The following LTBP1 variants were observed in gnomAD, a reference collection of about 807,000 sequenced individuals.
LTBP1 encodes latent-transforming growth factor beta-binding protein 1.
Under a neutral mutation model 207.6 loss-of-function variants are expected in LTBP1, and 129 were observed. That is an observed-to-expected ratio of 0.62 (90% CI 0.54 to 0.72). The LOEUF is 0.72. Ranked by LOEUF, LTBP1 falls within the 30% of genes least tolerant of loss-of-function variation. The pLI is 0.00. For missense variants in LTBP1, 2,281 were observed against 2,217.2 expected (o/e 1.03, Z -0.58); for synonymous variants, 963 against 833.7 (o/e 1.16, Z -2.67).
chr2:33,378,752 G>A (rs1008047779), intron 31 of LTBP1, among the ~76,000 whole-genome samples: 1 of 152,162 alleles, frequency 6.6e-6, no homozygotes, highest in African/African-American at 2.4e-5. Flanking sequence ...ATACAACTAT[G>A]GCTAGAACAA....
At chr2:33,369,021 TTAAA>T (rs2095034322) in intron 31 of LTBP1, among the ~76,000 whole-genome samples, 1 of 152,200 alleles carries the variant, frequency 6.6e-6, no homozygotes, top group Non-Finnish European at 1.5e-5. Flanking sequence ...GAATTTTATT[TTAAA>T]TATTTATTCT....
At chr2:33,254,832 G>T in intron 11 of LTBP1, among the ~76,000 whole-genome samples, 1 of 71,862 alleles carries the variant, frequency 1.4e-5, no homozygotes, top group East Asian at 4.6e-4. Flanking sequence ...CCACCTATGA[G>T]TGAGAACATG....
chr2:32,987,413 C>T (rs1261870718), intron 2 of LTBP1, among the ~76,000 whole-genome samples: 3 of 152,042 alleles, frequency 2.0e-5, no homozygotes, highest in African/African-American at 7.2e-5. Context: ...TCAGCTGGGC[C>T]AGCCTTTAGT....
rs182266349 is a variant in LTBP1 at position 33,286,988 on chromosome 2, G to C, written c.3113-6172G>C. On this transcript the variant is annotated intron_variant, in intron 19 of 33. Transcript: ENST00000404816. ...GGAGATATACCTAATGTTAAATGAA[G>C]AGTTAATGGGTGCAGCACACCAACA... Among the ~76,000 whole-genome samples, 39 of 152,292 alleles carry C rather than the reference G, an allele frequency of 2.6e-4. No individual in the cohort carries two copies. The East Asian group carries it at 4.4e-3, about 17-fold the overall frequency.
chr2:33,274,080 A>C (rs2093375558), intron 16 of LTBP1, among the ~76,000 whole-genome samples: 1 of 152,224 alleles, frequency 6.6e-6, no homozygotes, highest in African/African-American at 2.4e-5. Flanking sequence ...CAGCTACCTA[A>C]AAACATGTAT....
At chr2:33,348,385 G>A (rs924193461) in intron 26 of LTBP1, among the ~76,000 whole-genome samples, 1 of 152,100 alleles carries the variant, frequency 6.6e-6, no homozygotes, top group African/African-American at 2.4e-5. Context: ...AAGGTGAAGG[G>A]TATAGAATTA....
At chr2:33,178,741 C>T (rs906210162) in intron 5 of LTBP1, among the ~76,000 whole-genome samples, 2 of 152,118 alleles carry the variant, frequency 1.3e-5, no homozygotes, top group African/African-American at 4.8e-5. Context: ...TCTTTAAAGT[C>T]AGTGATGCTT....
At chr2:33,107,914 C>G (rs975577411) in intron 3 of LTBP1, among the ~76,000 whole-genome samples, 1 of 151,632 alleles carries the variant, frequency 6.6e-6, no homozygotes, top group Non-Finnish European at 1.5e-5. Flanking sequence ...GCTTTTTTTT[C>G]TGAGAGGAGG....
At position 33,398,883 on chromosome 2, in the gene LTBP1, A is replaced by G. The variant is rs893421929; in HGVS notation, c.*338A>G. The G allele has an allele frequency of 6.0e-6, 1 of 166,002 alleles. No homozygotes were observed. The highest frequency in any genetic ancestry group is 2.4e-5 in the African/African-American group (1 of 42,124). The allele number at this position is 166,002 out of a possible 1,614,324, so 10.3% of individuals were successfully genotyped here. ...TTGCTTGATTAAATTTGGCATTTAA[A>G]TAGTGGTGGAAATATTTTATATAAT... On this transcript the variant is annotated 3_prime_UTR_variant, in exon 34 of 34. Coordinates refer to ENST00000404816, the MANE Select transcript of LTBP1 (RefSeq NM_206943.4).
chr2:33,188,306 A>G (rs1002013059), intron 6 of LTBP1, among the ~76,000 whole-genome samples: 1 of 150,892 alleles, frequency 6.6e-6, no homozygotes, highest in Non-Finnish European at 1.5e-5. Context: ...CTGTAATCCC[A>G]GGTACTCGGG....
intron 2 of LTBP1, among the ~76,000 whole-genome samples, chr2:32,985,396 G>A (rs1328712874): frequency 6.6e-6 from 1 of 152,168 alleles, no homozygotes. Context: ...GGAAACTGAG[G>A]TTTAGAGAGG....
intron 3 of LTBP1, among the ~76,000 whole-genome samples, chr2:33,090,999 T>C (rs945953558): frequency 2.0e-5 from 3 of 152,196 alleles, no homozygotes; most frequent in Non-Finnish European, 2.9e-5. Context: ...TTCCATAGTG[T>C]GCACAGACTT....
intron 3 of LTBP1, among the ~76,000 whole-genome samples, chr2:33,057,590 G>T (rs1275829258): frequency 1.3e-5 from 2 of 152,246 alleles, no homozygotes; most frequent in African/African-American, 4.8e-5. Flanking sequence ...GGCAGCTAAG[G>T]CCTGGCGAGA....
At chr2:33,155,443 A>C (rs994876914) in intron 5 of LTBP1, among the ~76,000 whole-genome samples, 1 of 152,162 alleles carries the variant, frequency 6.6e-6, no homozygotes, top group Non-Finnish European at 1.5e-5. Flanking sequence ...TTGCTTGTGC[A>C]TGAGATTAAG....
chr2:33,240,255 A>C (rs1282275408), intron 9 of LTBP1, among the ~76,000 whole-genome samples: 1 of 152,194 alleles, frequency 6.6e-6, no homozygotes, highest in Non-Finnish European at 1.5e-5. Context: ...ATTCTGCTTT[A>C]CCATTCACCC....
intron 9 of LTBP1, among the ~76,000 whole-genome samples, chr2:33,243,420 G>A (rs561028883): frequency 1.5e-4 from 23 of 152,200 alleles, no homozygotes; most frequent in Non-Finnish European, 3.1e-4. Flanking sequence ...ATTTTTATCA[G>A]TTTTTTTCAC....
chr2:33,250,206 TA>T (rs555890979), intron 10 of LTBP1, among the ~76,000 whole-genome samples: 70 of 152,260 alleles, frequency 4.6e-4, no homozygotes, highest in African/African-American at 1.6e-3. Flanking sequence ...GGTCGTAAAA[TA>T]GGGGCAGTTT....
chr2:32,992,333 G>C (rs569132438), intron 2 of LTBP1, among the ~76,000 whole-genome samples: 2 of 152,192 alleles, frequency 1.3e-5, no homozygotes, highest in Admixed American at 6.5e-5. Context: ...AGCATCAGGA[G>C]GGAAGGGAGA....
At chr2:33,305,163 A>G (rs769485647) in intron 22 of LTBP1, among the ~76,000 whole-genome samples, 1 of 152,158 alleles carries the variant, frequency 6.6e-6, no homozygotes, top group Non-Finnish European at 1.5e-5. Context: ...AAATACAAAA[A>G]AAAAAGAAAA....
Sources: allele counts gnomAD v4.1 joint callset (sites outside exome capture counted in the v4.1 genomes callset), GRCh38; gene constraint gnomAD v4.1.1; transcripts MANE v1.5; gene names NCBI Gene and HGNC (gene_info 2026-07-23, HGNC 2026-07-21).